Variants in DIAPH3 observed in about 807,000 individuals in gnomAD.
The protein encoded by DIAPH3 is protein diaphanous homolog 3.
Under a neutral mutation model 144.3 loss-of-function variants are expected in DIAPH3, and 117 were observed. The ratio of observed to expected loss-of-function variants is 0.81; its 90% CI spans 0.70 to 0.95. The LOEUF (loss-of-function observed/expected upper bound fraction) is 0.95, where lower values mean the gene tolerates loss of function less well. Ranked by LOEUF, DIAPH3 falls within the 40% of genes least tolerant of loss-of-function variation. The pLI is 0.00. For missense variants in DIAPH3, 1,421 were observed against 1,412.7 expected (o/e 1.01, Z -0.09); for synonymous variants, 519 against 488.9 (o/e 1.06, Z -0.81).
intron 2 of DIAPH3, among the ~76,000 whole-genome samples, chr13:60,128,662 C>A (rs1359599774): frequency 6.6e-6 from 1 of 152,130 alleles, no homozygotes; most frequent in Admixed American, 6.5e-5. Context: ...AGAATAGACA[C>A]TAATGCAAAG....
rs2046199060 is a variant in DIAPH3, at chr13:59,897,761, A to G, written c.2367+13974T>C. 2.0e-5 allele frequency among the ~76,000 whole-genome samples: 3 copies of G among 151,538 alleles called. No homozygotes were observed. In the South Asian group the frequency reaches 6.3e-4, roughly 32 times the overall value. ...AGACTCCATCTCAAAAAAAACAAAA[A>G]AAGAATAAGAAAAAAAAAGAAAGTG... On this transcript the variant is annotated intron_variant, in intron 20 of 27. Transcript: ENST00000400324.
chr13:59,993,301 T>G (rs1444727658), intron 9 of DIAPH3, among the ~76,000 whole-genome samples: 1 of 151,886 alleles, frequency 6.6e-6, no homozygotes, highest in East Asian at 1.9e-4. Context: ...GGCTAAAATA[T>G]ATCTTTCATC....
At chr13:59,854,167 A>C (rs2043134173) in intron 22 of DIAPH3, among the ~76,000 whole-genome samples, 1 of 152,044 alleles carries the variant, frequency 6.6e-6, no homozygotes, top group African/African-American at 2.4e-5. Flanking sequence ...TGATGCATCT[A>C]CAAGCCAAGG....
At chr13:59,897,673 A>G (rs1431875679) in intron 20 of DIAPH3, among the ~76,000 whole-genome samples, 11 of 151,500 alleles carry the variant, frequency 7.3e-5, no homozygotes, top group Admixed American at 6.6e-4. Context: ...GTTTGAACCC[A>G]GGGGGCGGAG....
chr13:60,033,660 G>A (rs781627905), intron 5 of DIAPH3, among the ~76,000 whole-genome samples: 4 of 152,196 alleles, frequency 2.6e-5, no homozygotes, highest in Non-Finnish European at 5.9e-5. Context: ...ATCTACTCCC[G>A]TGAGCCTAAC....
At chr13:59,774,707 T>C in intron 26 of DIAPH3, 21 bp downstream of exon 26, 1 of 1,607,970 alleles carries the variant, frequency 6.2e-7, no homozygotes, top group East Asian at 2.2e-5. Flanking sequence ...GAAAGTAACA[T>C]GAAACAAGTA....
intron 24 of DIAPH3, among the ~76,000 whole-genome samples, chr13:59,817,500 T>C (rs902206176): frequency 2.6e-4 from 40 of 151,960 alleles, no homozygotes; most frequent in African/African-American, 9.4e-4. Flanking sequence ...TTCTGATTAA[T>C]AGTTGCCTTG....
chr13:59,933,555 A>G (rs940770553), intron 17 of DIAPH3, among the ~76,000 whole-genome samples: 28 of 152,226 alleles, frequency 1.8e-4, no homozygotes, highest in Admixed American at 5.2e-4. Flanking sequence ...ACTCTGAATC[A>G]TAAAGTCAGA....
chr13:59,834,864 C>A (rs2041963070), intron 23 of DIAPH3, among the ~76,000 whole-genome samples: 1 of 151,656 alleles, frequency 6.6e-6, no homozygotes, highest in Non-Finnish European at 1.5e-5. Context: ...AACACTGAGG[C>A]CAAATTCTCA....
chr13:60,161,165 G>T (rs1013472468), intron 1 of DIAPH3, among the ~76,000 whole-genome samples: 1 of 152,124 alleles, frequency 6.6e-6, no homozygotes, highest in African/African-American at 2.4e-5. Flanking sequence ...TATATTACTT[G>T]TTCCCATCAA....
intron 22 of DIAPH3, among the ~76,000 whole-genome samples, chr13:59,842,410 T>C (rs141163401): frequency 5.9e-5 from 9 of 152,182 alleles, no homozygotes; most frequent in African/African-American, 1.2e-4. Flanking sequence ...GGAGGGAACA[T>C]AGATTGTTTG....
chr13:60,027,592 G>C (rs2054467719), intron 5 of DIAPH3, among the ~76,000 whole-genome samples: 1 of 152,060 alleles, frequency 6.6e-6, no homozygotes, highest in Non-Finnish European at 1.5e-5. Context: ...AAGAGTTCTT[G>C]ACCTTTAGAT....
At chr13:59,907,946 G>C (rs2046815970) in intron 20 of DIAPH3, among the ~76,000 whole-genome samples, 1 of 152,092 alleles carries the variant, frequency 6.6e-6, no homozygotes, top group South Asian at 2.1e-4. Context: ...CACATCACAT[G>C]GTTTAGTGGT....
chr13:60,042,288 C>A (rs909256732), intron 5 of DIAPH3, among the ~76,000 whole-genome samples: 5 of 152,138 alleles, frequency 3.3e-5, no homozygotes, highest in African/African-American at 1.2e-4. Context: ...TAGGCCCCTA[C>A]AACGACATCA....
At chr13:59,942,354 T>A (rs898052458) in intron 17 of DIAPH3, among the ~76,000 whole-genome samples, 4 of 152,260 alleles carry the variant, frequency 2.6e-5, no homozygotes, top group Non-Finnish European at 5.9e-5. Flanking sequence ...GACTCACAGA[T>A]CTTGCAACAA....
intron 22 of DIAPH3, among the ~76,000 whole-genome samples, chr13:59,856,906 A>C (rs985541825): frequency 2.0e-4 from 30 of 152,228 alleles, no homozygotes; most frequent in African/African-American, 7.0e-4. Flanking sequence ...TGGTAAAAAA[A>C]AAAAAAAAGT....
intron 3 of DIAPH3, among the ~76,000 whole-genome samples, chr13:60,108,379 C>T (rs908902857): frequency 2.0e-5 from 3 of 151,968 alleles, no homozygotes; most frequent in East Asian, 3.9e-4. Flanking sequence ...GAGGCTGAAG[C>T]GGGTGGATCA....
intron 20 of DIAPH3, among the ~76,000 whole-genome samples, chr13:59,905,945 C>T (rs2046713124): frequency 6.6e-6 from 1 of 152,100 alleles, no homozygotes; most frequent in Non-Finnish European, 1.5e-5. Context: ...TGTTTTAAGC[C>T]ACCAAGTTTG....
chr13:60,025,105 T>C (rs1254826307), intron 5 of DIAPH3, among the ~76,000 whole-genome samples: 1 of 152,104 alleles, frequency 6.6e-6, no homozygotes, highest in Non-Finnish European at 1.5e-5. Context: ...TGGGGCCACA[T>C]ATTTTTTTCT....
Sources: gnomAD v4.1 joint callset for allele counts (sites outside exome capture counted in the v4.1 genomes callset) on GRCh38, gnomAD v4.1.1 for gene constraint, MANE v1.5 for transcripts, NCBI Gene and HGNC (gene_info 2026-07-23, HGNC 2026-07-21) for gene names.